EHBP1: variants seen among roughly 807,000 people sequenced by gnomAD.
EHBP1 encodes the protein EH domain binding protein 1.
In EHBP1, 55 loss-of-function variants were observed where a neutral mutation model predicts 144.0. The ratio of observed to expected loss-of-function variants is 0.38; its 90% confidence interval spans 0.31 to 0.48. EHBP1 has a LOEUF of 0.48. Among genes scored for constraint, EHBP1 ranks in the 20% least tolerant of loss-of-function variants. EHBP1 has a pLI of 0.98. For synonymous variants in EHBP1, 469 were observed against 472.7 expected, an observed-to-expected ratio of 0.99 and a Z score of 0.10; for missense variants, 1,200 against 1,364.2, an observed-to-expected ratio of 0.88 and a Z score of 1.90.
At chr2:62,823,971 A>T (rs1365988708) in intron 5 of EHBP1, among the ~76,000 whole-genome samples, 2 of 152,068 alleles carry the variant, frequency 1.3e-5, no homozygotes, top group Non-Finnish European at 2.9e-5. Context: ...TTGCTTAAGT[A>T]GTACAGCTAA....
rs921506328 is a variant in EHBP1, at chr2:62,676,819, A to G, written c.-296+2736A>G. ...GTTATGGATGAGCAAGTCTACAGCA[A>G]TCGTTGTTTTTCTCAGTTCTTAACA... On this transcript the variant is annotated intron_variant, in intron 1 of 22. Transcript: ENST00000405015. 8.5e-5 allele frequency among the ~76,000 whole-genome samples: 13 copies of G among 152,292 alleles called. No individual in the cohort carries two copies. In the South Asian group the frequency reaches 2.3e-3, roughly 27 times the overall value.
rs138618783 is a variant in EHBP1, at chr2:62,905,831, A to T, written c.1185+31299A>T. Reference sequence around the variant, plus strand: ...AGGGTGAGACTCCATCTCAAAAAAAAAATTAGTCACTTTTGTAAAAATGGC... The same window carrying T: ...AGGGTGAGACTCCATCTCAAAAAAATAATTAGTCACTTTTGTAAAAATGGC... On this transcript the variant is annotated intron_variant, in intron 10 of 22. Transcript: ENST00000431489. 1.2e-3 allele frequency among the ~76,000 whole-genome samples: 186 copies of T among 152,270 alleles called. 1 individual carries two copies. The highest frequency in any genetic ancestry group is 2.2e-3 in the Non-Finnish European group (152 of 68,002).
chr2:63,015,091 G>A (rs909832850), intron 19 of EHBP1, among the ~76,000 whole-genome samples: 1 of 152,098 alleles, frequency 6.6e-6, no homozygotes, highest in Non-Finnish European at 1.5e-5. Context: ...TTTTATATGA[G>A]GAAAAATTTT....
chr2:62,913,638 C>G (rs2152984307), intron 10 of EHBP1, among the ~76,000 whole-genome samples: 1 of 152,236 alleles, frequency 6.6e-6, no homozygotes. Flanking sequence ...AAGAATCTTT[C>G]AATTAAGTGG....
At chr2:62,858,608 G>A (rs995558187) in intron 7 of EHBP1, 6 of 761,652 alleles carry the variant, frequency 7.9e-6, no homozygotes, top group African/African-American at 6.9e-5. Context: ...TGTCAGTTTT[G>A]TCTTTGTGCT....
intron 4 of EHBP1, among the ~76,000 whole-genome samples, chr2:62,770,345 G>C (rs993320510): frequency 1.2e-4 from 18 of 152,126 alleles, no homozygotes; most frequent in African/African-American, 4.1e-4. Context: ...CCATTAAAAA[G>C]TGGGCAAAGG....
chr2:62,763,104 A>G (rs1364457558), intron 3 of EHBP1, among the ~76,000 whole-genome samples: 1 of 151,846 alleles, frequency 6.6e-6, no homozygotes, highest in African/African-American at 2.4e-5. Context: ...TACATGTGTG[A>G]TTCCTTTACC....
chr2:62,905,025 GA>G (rs888231554), intron 10 of EHBP1, among the ~76,000 whole-genome samples: 2 of 152,182 alleles, frequency 1.3e-5, no homozygotes, highest in African/African-American at 4.8e-5. Flanking sequence ...AAGAGTGCCA[GA>G]AAGATGATAT....
chr2:62,795,300 T>C (rs2043460589), intron 5 of EHBP1, among the ~76,000 whole-genome samples: 1 of 152,090 alleles, frequency 6.6e-6, no homozygotes, highest in Admixed American at 6.6e-5. Flanking sequence ...CTTCAGATTC[T>C]AGTTCTTCAG....
At chr2:62,856,757 G>A (rs756216951) in intron 7 of EHBP1, among the ~76,000 whole-genome samples, 25 of 152,250 alleles carry the variant, frequency 1.6e-4, no homozygotes, top group Admixed American at 4.6e-4. Context: ...AGCACATCCT[G>A]TTGGAAGAAT....
Position 62,837,474 on chromosome 2 carries a change from A to T in EHBP1, c.634+6316A>T, listed in dbSNP as rs1471632220. Among the ~76,000 whole-genome samples, 3 of 152,164 alleles carry T rather than the reference A, an allele frequency of 2.0e-5. No individual in the cohort carries two copies. The East Asian group carries it at 5.8e-4, about 29-fold the overall frequency. On this transcript the variant is annotated intron_variant, in intron 7 of 22. Transcript: ENST00000431489. ...AGCTAACATCATAATGACAGGATCA[A>T]ATTCACACATAACAATATTAACTTT...
chr2:62,846,412 A>G (rs1052639645), intron 7 of EHBP1, among the ~76,000 whole-genome samples: 3 of 152,198 alleles, frequency 2.0e-5, no homozygotes, highest in African/African-American at 7.2e-5. Context: ...TATATAGTCA[A>G]TTCAACAGAT....
chr2:62,990,408 A>G (rs969952070), intron 15 of EHBP1, among the ~76,000 whole-genome samples: 4 of 152,160 alleles, frequency 2.6e-5, no homozygotes, highest in African/African-American at 9.6e-5. Flanking sequence ...TTTATTATGT[A>G]TAACATACAG....
chr2:63,029,644 G>C (rs1174134624), intron 19 of EHBP1, among the ~76,000 whole-genome samples: 1 of 152,070 alleles, frequency 6.6e-6, no homozygotes, highest in African/African-American at 2.4e-5. Context: ...TATCCATATA[G>C]AGATGAAGAA....
intron 9 of EHBP1, among the ~76,000 whole-genome samples, chr2:62,866,416 A>G (rs1034112924): frequency 2.0e-5 from 3 of 152,252 alleles, no homozygotes; most frequent in Non-Finnish European, 4.4e-5. Context: ...AGGAGAAAAC[A>G]TAATCATTAG....
At chr2:62,700,627 T>C (rs1165514882) in intron 1 of EHBP1, among the ~76,000 whole-genome samples, 1 of 152,200 alleles carries the variant, frequency 6.6e-6, no homozygotes, top group Non-Finnish European at 1.5e-5. Context: ...GGAAATTGTG[T>C]TGGGCATCCA....
intron 3 of EHBP1, among the ~76,000 whole-genome samples, chr2:62,750,297 T>C (rs1419524341): frequency 6.6e-6 from 1 of 152,194 alleles, no homozygotes; most frequent in Non-Finnish European, 1.5e-5. Context: ...TGGTTGTAGA[T>C]GTGTGGTATT....
intron 7 of EHBP1, among the ~76,000 whole-genome samples, chr2:62,835,882 G>C (rs1331625170): frequency 6.6e-6 from 1 of 152,158 alleles, no homozygotes; most frequent in Non-Finnish European, 1.5e-5. Flanking sequence ...AGCAGTCTGA[G>C]ATCAAACTGC....
chr2:62,948,170 C>T, intron 12 of EHBP1, 90 bp from the exon 13 acceptor site: 1 of 1,231,500 alleles, frequency 8.1e-7, no homozygotes, highest in Non-Finnish European at 1.1e-6. Flanking sequence ...AACATGTACC[C>T]AAACAACAAA....
Sources: allele counts gnomAD v4.1 joint callset (sites outside exome capture counted in the v4.1 genomes callset), GRCh38; gene constraint gnomAD v4.1.1; transcripts MANE v1.5; gene names NCBI Gene and HGNC (gene_info 2026-07-23, HGNC 2026-07-21).